The following TMEM51 variants were observed in gnomAD, a reference collection of about 807,000 sequenced individuals.
The protein encoded by TMEM51 is chromosome 1 open reading frame 72.
TMEM51 carries 8 observed loss-of-function variants against 13.6 expected under a neutral mutation model. That is an observed-to-expected ratio of 0.59 (90% CI 0.35 to 1.07). The LOEUF is 1.07. TMEM51 is among the 50% of genes least tolerant of loss of function. The probability of loss-of-function intolerance (pLI) is 0.02; values close to 1 mark genes in which losing one functional copy is unlikely to be tolerated. For missense variants in TMEM51, 279 were observed against 330.7 expected (o/e 0.84, Z 1.21); for synonymous variants, 147 against 144.4 (o/e 1.02, Z -0.13).
intron 1 of TMEM51, among the ~76,000 whole-genome samples, chr1:15,174,236 A>T (rs1352914718): frequency 6.6e-6 from 1 of 152,070 alleles, no homozygotes; most frequent in Non-Finnish European, 1.5e-5. Context: ...CGTTGATAGA[A>T]TCCCATCATT....
intron 3 of TMEM51, among the ~76,000 whole-genome samples, chr1:15,217,994 G>A (rs1461430026): frequency 6.6e-6 from 1 of 152,220 alleles, no homozygotes; most frequent in African/African-American, 2.4e-5. Flanking sequence ...CCCTAGCTGT[G>A]AGCACATTTG....
At chr1:15,204,920 A>C (rs1422603181) in intron 1 of TMEM51, among the ~76,000 whole-genome samples, 4 of 152,118 alleles carry the variant, frequency 2.6e-5, no homozygotes, top group African/African-American at 9.7e-5. Flanking sequence ...TGTTGTCCCC[A>C]GAGACACCGA....
chr1:15,165,291 G>T (rs918628951), intron 1 of TMEM51, among the ~76,000 whole-genome samples: 3 of 152,046 alleles, frequency 2.0e-5, no homozygotes, highest in Non-Finnish European at 4.4e-5. Flanking sequence ...AGTCCAGTCT[G>T]GGTGACCCTG....
chr1:15,185,123 G>C (rs1274403248), intron 1 of TMEM51, among the ~76,000 whole-genome samples: 1 of 151,822 alleles, frequency 6.6e-6, no homozygotes, highest in South Asian at 2.1e-4. Context: ...CGTATACGCA[G>C]ATTTCCCATA....
chr1:15,191,745 A>ATT lies in TMEM51; in HGVS notation c.-266-18735_-266-18734dup, dbSNP rs35623540. On this transcript the variant is annotated intron_variant, in intron 1 of 3. Transcript: ENST00000376008. ...GTAGTAATTGCTTCTCTGGGGAGAA[A>ATT]TTTTTTTTTTTGAAGTTTGCAAATC... The ATT allele has an allele frequency of 7.0e-3, 1,997 of 285,252 alleles. 3 individuals are homozygous for ATT. The highest frequency in any genetic ancestry group is 0.014 in the East Asian group (164 of 11,396). The allele number at this position is 285,252 out of a possible 1,614,324, so 17.7% of individuals were successfully genotyped here.
In TMEM51 at chr1:15,219,723, G is replaced by A. The variant is rs201593485; in HGVS notation, c.742G>A (p.Asp248Asn). 9.4e-5 allele frequency: 152 copies of A among 1,613,074 alleles called. 1 individual carries two copies. The Middle Eastern group carries it at 3.6e-3, about 39-fold the overall frequency. ...TGATGAAGTCCAGGAGAAGGCCCCCGACACCCGGCCGCCCGACTGAATGGC... is the reference window on the plus strand; with the variant it reads ...TGATGAAGTCCAGGAGAAGGCCCCCAACACCCGGCCGCCCGACTGAATGGC... Reference protein sequence around the residue: ...QYDEVQEKAPDTRPPD With the variant: ...QYDEVQEKAPNTRPPD Residue 248 changes from aspartate to asparagine, a missense_variant, in exon 4 of 4, where the codon GAC becomes AAC. Transcript: ENST00000376008.
chr1:15,183,262 C>T (rs1161390342), intron 1 of TMEM51, among the ~76,000 whole-genome samples: 1 of 152,192 alleles, frequency 6.6e-6, no homozygotes, highest in Non-Finnish European at 1.5e-5. Context: ...TTTATAGAAG[C>T]ATTCACTAGG....
At chr1:15,203,784 C>G (rs557829262) in intron 1 of TMEM51, among the ~76,000 whole-genome samples, 2 of 152,246 alleles carry the variant, frequency 1.3e-5, no homozygotes, top group East Asian at 3.9e-4. Flanking sequence ...ACTCTGAGCT[C>G]GTCACTTATA....
chr1:15,157,472 G>C (rs1178315862), intron 1 of TMEM51, among the ~76,000 whole-genome samples: 3 of 152,170 alleles, frequency 2.0e-5, no homozygotes, highest in African/African-American at 7.2e-5. Context: ...TGAGATCACA[G>C]CCAGGACCAG....
chr1:15,161,586 G>A lies in TMEM51; in HGVS notation c.-267+7632G>A, dbSNP rs1465247672. Among the ~76,000 whole-genome samples, 2 of 152,024 alleles carry A rather than the reference G, an allele frequency of 1.3e-5. No homozygotes were observed. The highest frequency in any genetic ancestry group is 2.9e-5 in the Non-Finnish European group (2 of 68,030). On this transcript the variant is annotated intron_variant, in intron 1 of 3. Coordinates refer to ENST00000376008, the MANE Select transcript of TMEM51 (RefSeq NM_001136218.2). This position sits in a 1 kb window ranked among gnomAD's most constrained non-coding sequence, Gnocchi z 4.0. ...CAGTTTCACTTCTGGGTGCATACTT[G>A]TCTTAGTCCATTTGTGTTGCTGTAA...
At chr1:15,186,739 T>A (rs1314504657) in intron 1 of TMEM51, among the ~76,000 whole-genome samples, 3 of 152,128 alleles carry the variant, frequency 2.0e-5, no homozygotes, top group Admixed American at 1.3e-4. Context: ...CATGAAGGGA[T>A]GTTGCCTGAG....
At chr1:15,192,459 TCC>T (rs1491567295) in intron 1 of TMEM51, 128,206 of 196,446 alleles carry the variant, frequency 0.65, 48,530 homozygotes, top group East Asian at 0.86. Context: ...TCTTTTCTTT[TCC>T]TTTTTTTTTA....
chr1:15,184,836 A>T (rs1466025453), intron 1 of TMEM51, among the ~76,000 whole-genome samples: 1 of 108,486 alleles, frequency 9.2e-6, no homozygotes, highest in Non-Finnish European at 1.9e-5. Context: ...ACATTTGGCA[A>T]TGTCTAGAGA....
chr1:15,152,643 AG>A (rs1642435095), upstream of TMEM51: 1 of 152,230 alleles, frequency 6.6e-6, no homozygotes, highest in Non-Finnish European at 1.5e-5. Flanking sequence ...AGGCTCAGAG[AG>A]GGAATGGGAG....
chr1:15,208,877 A>T (rs938904371), intron 1 of TMEM51, among the ~76,000 whole-genome samples: 4 of 152,266 alleles, frequency 2.6e-5, no homozygotes, highest in Admixed American at 2.0e-4. Flanking sequence ...TGCTAAAAGT[A>T]ATAAAAACAC....
chr1:15,175,005 T>G (rs4661588), intron 1 of TMEM51, among the ~76,000 whole-genome samples: 5 of 152,022 alleles, frequency 3.3e-5, no homozygotes, highest in African/African-American at 1.2e-4. Flanking sequence ...CACCCTACCA[T>G]CCTTTTGGTC....
At chr1:15,164,244 T>C (rs1012014057) in intron 1 of TMEM51, 3 of 419,194 alleles carry the variant, frequency 7.2e-6, no homozygotes, top group Non-Finnish European at 1.4e-5. Flanking sequence ...ACTGCATTTT[T>C]ATTCACCAGG....
upstream of TMEM51, among the ~76,000 whole-genome samples, chr1:15,153,006 G>C (rs774914570): frequency 2.6e-4 from 39 of 152,326 alleles, no homozygotes; most frequent in Admixed American, 1.0e-3. Context: ...TCCATTGCCC[G>C]CGCGCAAGAA....
intron 1 of TMEM51, among the ~76,000 whole-genome samples, chr1:15,195,170 C>T (rs1192651818): frequency 6.6e-6 from 1 of 151,956 alleles, no homozygotes; most frequent in African/African-American, 2.4e-5. Context: ...TGAGCTCAAG[C>T]AATCTGCCTA....
Sources: allele counts gnomAD v4.1 joint callset (sites outside exome capture counted in the v4.1 genomes callset), GRCh38; gene constraint gnomAD v4.1.1; non-coding constraint Gnocchi (gnomAD v3.1); transcripts MANE v1.5; gene names NCBI Gene and HGNC (gene_info 2026-07-23, HGNC 2026-07-21).